UBA2: variants seen among roughly 807,000 people sequenced by gnomAD.
UBA2 encodes the protein SUMO-activating enzyme subunit 2.
A neutral mutation model predicts 77.2 loss-of-function variants in UBA2; 11 were observed. The ratio of observed to expected loss-of-function variants is 0.14; its 90% CI spans 0.09 to 0.24. The LOEUF is 0.24. UBA2 is among the 10% of genes least tolerant of loss of function. The pLI, the probability that UBA2 is intolerant of heterozygous loss-of-function variation, is 1.00. For missense variants in UBA2, 487 were observed against 781.7 expected (o/e 0.62, Z 4.50); for synonymous variants, 278 against 276.7 (o/e 1.00, Z -0.05).
At chr19:34,459,026 A>G (rs2075603138) in intron 13 of UBA2, 102 bp downstream of exon 13, 2 of 1,247,102 alleles carry the variant, frequency 1.6e-6, no homozygotes, top group African/African-American at 1.5e-5. Flanking sequence ...AACTGCAGAG[A>G]TGTGTGGCTG....
intron 1 of UBA2, chr19:34,429,318 T>G: frequency 1.1e-6 from 1 of 896,508 alleles, no homozygotes; most frequent in Non-Finnish European, 1.3e-6. Flanking sequence ...TTATTTCTAC[T>G]AATGCAAACT....
chr19:34,428,602 G>T, intron 1 of UBA2, 32 bp downstream of exon 1: 1 of 1,303,758 alleles, frequency 7.7e-7, no homozygotes, highest in Non-Finnish European at 9.8e-7. Flanking sequence ...GTGAATGGCG[G>T]GCTGTGGTGC....
At chr19:34,444,960 AT>A (rs1568373751) in intron 7 of UBA2, 39 bp from the exon 8 acceptor site, 2 of 1,595,882 alleles carry the variant, frequency 1.3e-6, no homozygotes, top group East Asian at 4.5e-5. Flanking sequence ...TCAGTTCTAC[AT>A]TTATTACGGT....
Position 34,433,408 on chromosome 19 carries a change from C to T in UBA2, c.354C>T (p.Asn118=). The T allele has an allele frequency of 6.3e-7, 1 of 1,595,454 alleles. No homozygotes were observed. The highest frequency in any genetic ancestry group is 1.1e-5 in the South Asian group (1 of 90,124). Reference sequence around the variant, plus strand: ...TACTGGTTATGAATGCTTTAGATAACAGAGGTGAGGTTATTTTAATACTTT... The same window carrying T: ...TACTGGTTATGAATGCTTTAGATAATAGAGGTGAGGTTATTTTAATACTTT... ...QFILVMNALD[N]RAARNHVNRM... The change falls in exon 4 of 17, where the codon AAC becomes AAT. Residue 118 remains asparagine (N), a synonymous_variant. Transcript: ENST00000246548.
chr19:34,469,115 A>C lies in UBA2; in HGVS notation c.1817A>C (p.Glu606Ala). 1 of 1,613,786 alleles carries C rather than the reference A, an allele frequency of 6.2e-7. No individual in the cohort carries two copies. Among genetic ancestry groups the C allele is most frequent in the Non-Finnish European group, 8.5e-7 (1 of 1,179,818 alleles). The change falls in exon 17 of 17, where the codon GAA becomes GCA. Residue 606 changes from glutamate (E) to alanine (A), a missense_variant. Transcript: ENST00000246548. ...TCAAATAATGCCGACGTCAGTGAAG[A>C]AGAGAGAAGCCGCAAGAGGAAATTA... Reference protein sequence around the residue: ...DSSNNADVSEEERSRKRKLDE... With the variant: ...DSSNNADVSEAERSRKRKLDE...
Position 34,433,412 on chromosome 19 carries a change from G to A in UBA2, c.358G>A (p.Ala120Thr), listed in dbSNP as rs1599887612. The change falls in exon 4 of 17, where the codon GCT (alanine) becomes ACT (threonine). Residue 120 changes from alanine (A) to threonine (T), a missense_variant and splice_region_variant. Coordinates refer to ENST00000246548, the MANE Select transcript of UBA2 (RefSeq NM_005499.3). ...ILVMNALDNRAARNHVNRMCL... is the reference protein window; with the variant it reads ...ILVMNALDNRTARNHVNRMCL... ...GGTTATGAATGCTTTAGATAACAGA[G>A]GTGAGGTTATTTTAATACTTTTAAT... is the stretch of plus-strand genomic sequence containing the variant. 1 of 1,589,106 alleles carries A rather than the reference G, an allele frequency of 6.3e-7. No homozygotes were observed. The highest frequency in any genetic ancestry group is 1.3e-5 in the African/African-American group (1 of 74,400).
Position 34,451,611 on chromosome 19 carries a change from G to A in UBA2, c.872-370G>A, listed in dbSNP as rs190432056. On this transcript the variant is annotated intron_variant, in intron 9 of 16. Transcript: ENST00000246548. The stretch of plus-strand genomic sequence containing the variant: ...CGCCCAGGCTGGAGTGCAGTGGCGC[G>A]ATCTTGGCTCACTGCAAGCTCCGCC... Among the ~76,000 whole-genome samples, 26 of 134,938 alleles carry A rather than the reference G, an allele frequency of 1.9e-4. No homozygotes were observed. In the Admixed American group the frequency reaches 2.0e-3, roughly 11 times the overall value. The allele number at this position is 134,938 out of a possible 152,430, so 88.5% of individuals were successfully genotyped here.
rs566113838 is a variant in UBA2, at chr19:34,457,354, G to A, written c.1246-1415G>A. On this transcript the variant is annotated intron_variant, in intron 12 of 16. Coordinates refer to ENST00000246548, the MANE Select transcript of UBA2 (RefSeq NM_005499.3). ...TGCACTCCAGCCTGGCAACAAGAGC[G>A]AAACTCTGCCTCAAGAAAAAATATA... Among the ~76,000 whole-genome samples, 59 of 151,284 alleles carry A rather than the reference G, an allele frequency of 3.9e-4. 1 individual carries two copies. The South Asian group carries it at 0.012, about 29-fold the overall frequency.
rs773613168 is a variant in UBA2, at chr19:34,466,859, C to T, written c.1605-19C>T. 4 of 1,611,222 alleles carry T rather than the reference C, an allele frequency of 2.5e-6. No homozygotes were observed. The highest frequency in any genetic ancestry group is 3.4e-6 in the Non-Finnish European group (4 of 1,179,152). ...CTTTCTAAATAGTCATAGCAGTGAC[C>T]TGTGTGATTCTCCTACAGTGAAGAC... is the stretch of plus-strand genomic sequence containing the variant. On this transcript the variant is annotated intron_variant, in intron 15 of 16. Transcript: ENST00000246548.
At chr19:34,467,400 C>A (rs532581245) in intron 16 of UBA2, among the ~76,000 whole-genome samples, 2 of 150,102 alleles carry the variant, frequency 1.3e-5, no homozygotes, top group South Asian at 4.2e-4. Flanking sequence ...CCCAGGAGTT[C>A]GACACTGCAG....
At chr19:34,454,161 C>G in intron 10 of UBA2, 99 bp from the exon 11 acceptor site, 1 of 1,088,448 alleles carries the variant, frequency 9.2e-7, no homozygotes, top group Non-Finnish European at 1.4e-6. Flanking sequence ...AGTCGAAAGT[C>G]TATAGTATTA....
chr19:34,457,182 ATATATATATATAT>A (rs2075576694), intron 12 of UBA2, among the ~76,000 whole-genome samples: 6 of 85,640 alleles, frequency 7.0e-5, no homozygotes, highest in South Asian at 4.6e-4. Context: ...AAAAAAAAAT[ATATATATATATAT>A]ATATATATAT....
chr19:34,465,422 A>G (rs912087194), intron 15 of UBA2, among the ~76,000 whole-genome samples: 9 of 151,626 alleles, frequency 5.9e-5, no homozygotes, highest in African/African-American at 2.2e-4. Context: ...GTGGATCACG[A>G]GGTCAGGAGT....
chr19:34,466,217 C>T (rs1276423550), intron 15 of UBA2, among the ~76,000 whole-genome samples: 2 of 151,982 alleles, frequency 1.3e-5, no homozygotes, highest in Admixed American at 6.6e-5. Context: ...GCCTATAGTC[C>T]CAGCTGCTTG....
At chr19:34,456,860 T>C (rs1016735227) in intron 12 of UBA2, among the ~76,000 whole-genome samples, 3 of 151,994 alleles carry the variant, frequency 2.0e-5, no homozygotes. Context: ...TCCTGGCCGA[T>C]ACCCAGTTTT....
At chr19:34,457,179 A>AATATATATATATATATATATAT (rs766043321) in intron 12 of UBA2, among the ~76,000 whole-genome samples, 8 of 53,226 alleles carry the variant, frequency 1.5e-4, no homozygotes, top group South Asian at 1.1e-3. Flanking sequence ...AAAAAAAAAA[A>AATATATATATATATATATATAT]ATATATATAT....
intron 6 of UBA2, among the ~76,000 whole-genome samples, chr19:34,440,658 G>A (rs184498821): frequency 1.3e-5 from 2 of 152,322 alleles, no homozygotes; most frequent in East Asian, 1.9e-4. Flanking sequence ...AATGGGCGCA[G>A]TGTATCATGC....
At chr19:34,454,407 A>G (rs1213315604) in intron 11 of UBA2, 37 bp from the exon 12 acceptor site, 17 of 1,582,416 alleles carry the variant, frequency 1.1e-5, no homozygotes, top group Admixed American at 1.8e-5. Flanking sequence ...TGTTTTTTAA[A>G]CAGTGAAACA....
At chr19:34,458,188 A>T (rs761746096) in intron 12 of UBA2, among the ~76,000 whole-genome samples, 1 of 152,222 alleles carries the variant, frequency 6.6e-6, no homozygotes, top group African/African-American at 2.4e-5. Context: ...GTTGCAGAAG[A>T]ACGCGGAGTC....
Sources: allele counts gnomAD v4.1 joint callset (sites outside exome capture counted in the v4.1 genomes callset), GRCh38; gene constraint gnomAD v4.1.1; transcripts MANE v1.5; gene names NCBI Gene and HGNC (gene_info 2026-07-23, HGNC 2026-07-21).